The following C19orf12 variants were observed in gnomAD, a reference collection of about 807,000 sequenced individuals.
C19orf12 encodes chromosome 19 open reading frame 12, also known as protein C19orf12.
Under a neutral mutation model 3.8 loss-of-function variants are expected in C19orf12, and 2 were observed. That is an observed-to-expected ratio of 0.53 (90% CI 0.22 to 1.66). The LOEUF (loss-of-function observed/expected upper bound fraction) is 1.66, where lower values mean the gene tolerates loss of function less well. Ranked by LOEUF, C19orf12 falls within the 40% of genes most tolerant of loss-of-function variation. The pLI, the probability that C19orf12 is intolerant of heterozygous loss-of-function variation, is 0.20. For synonymous variants in C19orf12, 89 were observed against 84.6 expected (o/e 1.05, Z -0.28); for missense variants, 156 against 188.8 (o/e 0.83, Z 1.02).
Position 29,702,743 on chromosome 19 carries a change from T to A in C19orf12, c.395A>T (p.Glu132Val), listed in dbSNP as rs1157715797. The change falls in exon 3 of 3, where the codon GAG (glutamate) becomes GTG (valine). Residue 132 changes from glutamate (E) to valine (V), a missense_variant. Physicochemically the swap from Glu to Val is moderately radical, Grantham distance 121. Transcript: ENST00000323670. ...LAMLVNYVTK[E>V]LRAEIQYDD ...ATCATACTGGATCTCGGCCCGCAGC[T>A]CCTTGGTGACGTAGTTCACCAGCAT... 1 of 1,613,758 alleles carries A rather than the reference T, an allele frequency of 6.2e-7. No individual in the cohort carries two copies. The highest frequency in any genetic ancestry group is 1.3e-5 in the African/African-American group (1 of 74,904).
intron 2 of C19orf12, among the ~76,000 whole-genome samples, chr19:29,704,344 C>A (rs1311647036): frequency 6.6e-6 from 1 of 151,764 alleles, no homozygotes; most frequent in African/African-American, 2.4e-5. Context: ...TGGTGGGTGC[C>A]TGTAATCCCA....
chr19:29,707,811 C>T (rs1283593965), intron 2 of C19orf12, among the ~76,000 whole-genome samples: 2 of 152,160 alleles, frequency 1.3e-5, no homozygotes, highest in East Asian at 1.9e-4. Context: ...TCCCACAAGA[C>T]GCATGGCACC....
chr19:29,702,015 A>G lies in C19orf12; in HGVS notation c.*697T>C, dbSNP rs1359629143. 2 of 453,068 alleles carry G rather than the reference A, an allele frequency of 4.4e-6. No individual in the cohort carries two copies. Among genetic ancestry groups the G allele is most frequent in the Admixed American group, 4.7e-5 (2 of 42,516 alleles). 28.1% of individuals were successfully genotyped at this position (453,068 alleles called of 1,614,324 possible). On this transcript the variant is annotated 3_prime_UTR_variant, in exon 3 of 3. Transcript: ENST00000323670. ...TATACCTGTACTTTTTACTAAAAATATTTCATTTGAGAAGTAAACCTCAAG... is the reference window on the plus strand; with the variant it reads ...TATACCTGTACTTTTTACTAAAAATGTTTCATTTGAGAAGTAAACCTCAAG...
chr19:29,704,840 C>T (rs1184772428), intron 2 of C19orf12, among the ~76,000 whole-genome samples: 1 of 152,216 alleles, frequency 6.6e-6, no homozygotes, highest in Non-Finnish European at 1.5e-5. Context: ...ATCGCATGGA[C>T]CTTCCGAGGC....
rs1971981573 is a variant in C19orf12 at position 29,699,849 on chromosome 19, G to T, written c.*2863C>A. 1 of 451,944 alleles carries T rather than the reference G, an allele frequency of 2.2e-6. No individual in the cohort carries two copies. The highest frequency in any genetic ancestry group is 2.0e-5 in the African/African-American group (1 of 49,770). 28.0% of individuals were successfully genotyped at this position (451,944 alleles called of 1,614,324 possible). ...TCAAAAATAAATAAATTTCTACAAA[G>T]AAGATACAGATATATAAATACTAAA... On this transcript the variant is annotated 3_prime_UTR_variant, in exon 3 of 3. Transcript: ENST00000323670.
chr19:29,701,566 ACG>A lies in C19orf12; in HGVS notation c.*1144_*1145del, dbSNP rs1308438987. On this transcript the variant is annotated 3_prime_UTR_variant, in exon 3 of 3. Coordinates refer to ENST00000323670, the MANE Select transcript of C19orf12 (RefSeq NM_031448.6). ...GGATCTAAATGTGGAGACCACAGTT[ACG>A]GAGAGCTGACTGTACTGGGGAAATC... 2.2e-6 allele frequency: 1 copy of A among 454,162 alleles called. No individual in the cohort carries two copies. The allele number at this position is 454,162 out of a possible 1,614,324, so 28.1% of individuals were successfully genotyped here.
chr19:29,700,266 T>C lies in C19orf12; in HGVS notation c.*2446A>G, dbSNP rs111816536. On this transcript the variant is annotated 3_prime_UTR_variant, in exon 3 of 3. Transcript: ENST00000323670. ...AAAGGCAACTCAATTTCAGCCCCGA[T>C]TGTTCCAGAAGGATTTGCTGTAAGC... 9 of 453,954 alleles carry C rather than the reference T, an allele frequency of 2.0e-5. No homozygotes were observed. Among genetic ancestry groups the C allele is most frequent in the African/African-American group, 6.0e-5 (3 of 49,992 alleles). 28.1% of individuals were successfully genotyped at this position (453,954 alleles called of 1,614,324 possible).
Position 29,700,000 on chromosome 19 carries a change from C to G in C19orf12, c.*2712G>C, listed in dbSNP as rs1409183875. Reference sequence around the variant, plus strand: ...TTAGGCCCAAAGCCTCCAAGTCACCCCAGGACCCAGCTAGTTCCAGTGTCT... The same window carrying G: ...TTAGGCCCAAAGCCTCCAAGTCACCGCAGGACCCAGCTAGTTCCAGTGTCT... On this transcript the variant is annotated 3_prime_UTR_variant, in exon 3 of 3. Coordinates refer to ENST00000323670, the MANE Select transcript of C19orf12 (RefSeq NM_031448.6). The G allele has an allele frequency of 2.2e-6, 1 of 454,072 alleles. No individual in the cohort carries two copies. The highest frequency in any genetic ancestry group is 6.9e-5 in the East Asian group (1 of 14,390). 28.1% of individuals were successfully genotyped at this position (454,072 alleles called of 1,614,324 possible). A position where few individuals can be genotyped will look rare whatever the true frequency, so the allele number is the denominator to read the frequency against.
In C19orf12 at chr19:29,699,194, G is replaced by T. The variant is rs62105838; in HGVS notation, c.*3518C>A. 0.077 allele frequency: 34,922 copies of T among 453,732 alleles called. 2,020 individuals carry two copies. Among genetic ancestry groups the T allele is most frequent in the East Asian group, 0.19 (2,753 of 14,388 alleles). 28.1% of individuals were successfully genotyped at this position (453,732 alleles called of 1,614,324 possible). On this transcript the variant is annotated 3_prime_UTR_variant, in exon 3 of 3. Transcript: ENST00000323670. ...AGAAATATACATACATAGGCCGGGC[G>T]CAGTGGCTCACGCCTGTAATCCCAG... is the stretch of plus-strand genomic sequence containing the variant.
intron 2 of C19orf12, among the ~76,000 whole-genome samples, chr19:29,704,056 C>T (rs933081455): frequency 6.6e-6 from 1 of 152,102 alleles, no homozygotes; most frequent in African/African-American, 2.4e-5. Flanking sequence ...TGCTCCTTGC[C>T]CCTGAACTTA....
In C19orf12 at chr19:29,702,040, G is replaced by A. The variant is rs1310499712; in HGVS notation, c.*672C>T. 4.4e-6 allele frequency: 2 copies of A among 452,660 alleles called. No individual in the cohort carries two copies. The highest frequency in any genetic ancestry group is 8.9e-6 in the Non-Finnish European group (2 of 225,656). The allele number at this position is 452,660 out of a possible 1,614,324, so 28.0% of individuals were successfully genotyped here. ...ATTTCATTTGAGAAGTAAACCTCAA[G>A]AACTACCAGGACTTTTCAGATGGGA... On this transcript the variant is annotated 3_prime_UTR_variant, in exon 3 of 3. Transcript: ENST00000323670.
chr19:29,699,023 C>T lies in C19orf12; in HGVS notation c.*3689G>A, dbSNP rs1231417947. ...AGTAAAAATCCACAAATGGAATTCACACCAGGCACATGGTTAGGCACAGTG... is the reference window on the plus strand; with the variant it reads ...AGTAAAAATCCACAAATGGAATTCATACCAGGCACATGGTTAGGCACAGTG... On this transcript the variant is annotated 3_prime_UTR_variant, in exon 3 of 3. Coordinates refer to ENST00000323670, the MANE Select transcript of C19orf12 (RefSeq NM_031448.6). The T allele has an allele frequency of 1.8e-5, 8 of 453,816 alleles. No homozygotes were observed. Among genetic ancestry groups the T allele is most frequent in the Non-Finnish European group, 3.5e-5 (8 of 226,774 alleles). 28.1% of individuals were successfully genotyped at this position (453,816 alleles called of 1,614,324 possible).
At chr19:29,713,589 T>A (rs1375840987) in intron 1 of C19orf12, among the ~76,000 whole-genome samples, 1 of 152,154 alleles carries the variant, frequency 6.6e-6, no homozygotes, top group Admixed American at 6.5e-5. Context: ...ACCTCCCACC[T>A]CTCCATACCC....
At chr19:29,708,542 C>G in intron 1 of C19orf12, 119 bp from the exon 2 acceptor site, 1 of 1,283,114 alleles carries the variant, frequency 7.8e-7, no homozygotes, top group Non-Finnish European at 1.1e-6. Flanking sequence ...AGCTCAGCAG[C>G]TCCAAGCGCC....
In C19orf12 at chr19:29,700,832, A is replaced by G. The variant is rs112656442; in HGVS notation, c.*1880T>C. ...CAGGATACTGAGCTTTCCTATAAGC[A>G]GGGCCTCAGCAGAAGTGCCTCCCTC... On this transcript the variant is annotated 3_prime_UTR_variant, in exon 3 of 3. Transcript: ENST00000323670. 4.1e-3 allele frequency: 1,856 copies of G among 454,148 alleles called. 28 individuals are homozygous for G. Among genetic ancestry groups the G allele is most frequent in the African/African-American group, 0.034 (1,723 of 50,128 alleles). 28.1% of individuals were successfully genotyped at this position (454,148 alleles called of 1,614,324 possible).
intron 1 of C19orf12, 152 bp from the exon 2 acceptor site, chr19:29,708,575 C>A: frequency 1.1e-6 from 1 of 940,940 alleles, no homozygotes; most frequent in Non-Finnish European, 1.7e-6. Flanking sequence ...AGCATCCAGA[C>A]GGTGGAAAGT....
chr19:29,712,221 T>A (rs1009901323), intron 1 of C19orf12, among the ~76,000 whole-genome samples: 8 of 152,006 alleles, frequency 5.3e-5, no homozygotes, highest in African/African-American at 1.7e-4. Flanking sequence ...CTGGCCAACA[T>A]GGTGAAAACC....
rs372870714 is a variant in C19orf12, at chr19:29,701,485, C to T, written c.*1227G>A. On this transcript the variant is annotated 3_prime_UTR_variant, in exon 3 of 3. Transcript: ENST00000323670. ...TAATGGCAAGAAAAAAAGGTCTGTA[C>T]GTGTTCAGTACCAATGCAATTTCTT... 3 of 454,114 alleles carry T rather than the reference C, an allele frequency of 6.6e-6. No individual in the cohort carries two copies. Among genetic ancestry groups the T allele is most frequent in the Admixed American group, 2.3e-5 (1 of 42,570 alleles). 28.1% of individuals were successfully genotyped at this position (454,114 alleles called of 1,614,324 possible). A position where few individuals can be genotyped will look rare whatever the true frequency, so the allele number is the denominator to read the frequency against.
At position 29,702,870 on chromosome 19, in the gene C19orf12, T is replaced by C. The variant is rs1972180871; in HGVS notation, c.268A>G (p.Asn90Asp). 2 of 1,614,150 alleles carry C rather than the reference T, an allele frequency of 1.2e-6. No homozygotes were observed. Among genetic ancestry groups the C allele is most frequent in the Non-Finnish European group, 1.7e-6 (2 of 1,180,004 alleles). The change falls in exon 3 of 3, where the codon AAC (asparagine) becomes GAC (aspartate). Residue 90 changes from asparagine to aspartate, a missense_variant. By Grantham distance (23) the Asn-to-Asp change is conservative (BLOSUM62 1). Coordinates refer to ENST00000323670, the MANE Select transcript of C19orf12 (RefSeq NM_031448.6). ...TGCCTGATGATGGCTGCGGCTTCGT[T>C]AAAGAGCCTCTGTTGCTCGGCAGGG... ...LPPAEQQRLF[N>D]EAAAIIRHLE...
Sources: gnomAD v4.1 joint callset for allele counts (sites outside exome capture counted in the v4.1 genomes callset) on GRCh38, gnomAD v4.1.1 for gene constraint, MANE v1.5 for transcripts, NCBI Gene and HGNC (gene_info 2026-07-23, HGNC 2026-07-21) for gene names.